Variants in CRAMP1 observed in about 807,000 individuals in gnomAD.
CRAMP1 encodes the protein protein cramped-like.
In CRAMP1, 50 loss-of-function variants were observed where a neutral mutation model predicts 115.4. The ratio of observed to expected loss-of-function variants is 0.43; its 90% CI spans 0.35 to 0.55. The LOEUF (loss-of-function observed/expected upper bound fraction) is 0.55. Ranked by LOEUF, CRAMP1 falls within the 20% of genes least tolerant of loss-of-function variation. CRAMP1 has a pLI of 0.01. For missense variants in CRAMP1, 1,679 were observed against 1,721.7 expected, an observed-to-expected ratio of 0.98 and a Z score of 0.44; for synonymous variants, 866 against 745.4, an observed-to-expected ratio of 1.16 and a Z score of -2.64.
chr16:1,659,630 G>A (rs1270927461), intron 10 of CRAMP1, among the ~76,000 whole-genome samples: 2 of 152,066 alleles, frequency 1.3e-5, no homozygotes, highest in Non-Finnish European at 2.9e-5. Flanking sequence ...CTCATGATCC[G>A]CTCGTCTCGG....
At chr16:1,662,447 T>TGAATGCTGTCACA in intron 11 of CRAMP1, 43 bp from the exon 12 acceptor site, 1 of 1,503,542 alleles carries the variant, frequency 6.7e-7, no homozygotes, top group Non-Finnish European at 9.2e-7. Flanking sequence ...GACCTGTTGC[T>TGAATGCTGTCACA]AGGTGAATGC....
chr16:1,666,637 C>G lies in CRAMP1; in HGVS notation c.3036+37C>G, dbSNP rs2036879038. Reference sequence around the variant, plus strand: ...TAGAAGGGCTTTTCAGCATTACCACCAACTTCTGGTGTGGACGCCAAAGCC... The same window carrying G: ...TAGAAGGGCTTTTCAGCATTACCACGAACTTCTGGTGTGGACGCCAAAGCC... On this transcript the variant is annotated intron_variant, in intron 16 of 20. Transcript: ENST00000397412. This position sits in a 1 kb window ranked among gnomAD's most constrained non-coding sequence, Gnocchi z 5.0. The G allele has an allele frequency of 3.8e-6, 6 of 1,584,708 alleles. No homozygotes were observed. The highest frequency in any genetic ancestry group is 5.2e-6 in the Non-Finnish European group (6 of 1,154,904).
intron 11 of CRAMP1, among the ~76,000 whole-genome samples, chr16:1,661,570 G>A (rs1168022893): frequency 1.3e-5 from 2 of 151,916 alleles, no homozygotes; most frequent in Admixed American, 6.6e-5. Flanking sequence ...CTGTGAGAGG[G>A]GGCCAGTCCC....
At chr16:1,667,817 T>A (rs918904978) in intron 17 of CRAMP1, 145 bp from the exon 18 acceptor site, 2 of 619,264 alleles carry the variant, frequency 3.2e-6, no homozygotes, top group Non-Finnish European at 5.7e-6. Flanking sequence ...CCCGAGTGTG[T>A]TCCTGAGTTG....
At position 1,660,032 on chromosome 16, in the gene CRAMP1, C is replaced by G. The variant is rs1461143801; in HGVS notation, c.2382C>G (p.Thr794=). The G allele has an allele frequency of 6.3e-7, 1 of 1,598,152 alleles. No individual in the cohort carries two copies. The highest frequency in any genetic ancestry group is 8.5e-7 in the Non-Finnish European group (1 of 1,178,424). The change falls in exon 11 of 21, where the codon ACC becomes ACG. Residue 794 remains threonine (T), a synonymous_variant. Transcript: ENST00000397412. ...RNQASLRSSK[T]FPPSSAPCSS... is the part of the protein sequence containing the mutation. ...AGGCCTCCCTCCGCAGCAGCAAGAC[C>G]TTCCCGCCCAGCTCTGCACCCTGCT... is the stretch of plus-strand genomic sequence containing the variant.
chr16:1,659,729 G>A (rs2036808712), intron 10 of CRAMP1, among the ~76,000 whole-genome samples, 157 bp from the exon 11 acceptor site: 1 of 152,204 alleles, frequency 6.6e-6, no homozygotes, highest in African/African-American at 2.4e-5. Context: ...AGCGACTCTG[G>A]GGACACTGAG....
intron 6 of CRAMP1, among the ~76,000 whole-genome samples, chr16:1,645,675 C>T (rs953204058): frequency 6.6e-6 from 1 of 152,156 alleles, no homozygotes; most frequent in Non-Finnish European, 1.5e-5. Context: ...CTGTGCTCTG[C>T]CTGTCACTTC....
Position 1,632,248 on chromosome 16 carries a change from G to A in CRAMP1, c.577G>A (p.Ala193Thr). 1 of 1,577,428 alleles carries A rather than the reference G, an allele frequency of 6.3e-7. No homozygotes were observed. The highest frequency in any genetic ancestry group is 8.6e-7 in the Non-Finnish European group (1 of 1,162,548). The part of the protein sequence containing the change: ...KDFEAIQNNI[A>T]LKYKKKGKPA... ...CTTTGAAGCGATTCAGAACAACATTGCGCTGAAGTACAAGAAGAAAGGCAA... is the reference window on the plus strand; with the variant it reads ...CTTTGAAGCGATTCAGAACAACATTACGCTGAAGTACAAGAAGAAAGGCAA... The change falls in exon 4 of 21, where the codon GCG (alanine) becomes ACG (threonine). Residue 193 changes from alanine (A) to threonine (T), a missense_variant. Physicochemically the swap from Ala to Thr is moderately conservative, Grantham distance 58. This residue lies in a region of CRAMP1 where 44 missense variants were observed against 92.4 expected (regional missense o/e 0.48). Transcript: ENST00000397412.
At chr16:1,633,561 C>T (rs2036563028) in intron 4 of CRAMP1, among the ~76,000 whole-genome samples, 1 of 152,186 alleles carries the variant, frequency 6.6e-6, no homozygotes, top group African/African-American at 2.4e-5. Context: ...CCGTTTTGTC[C>T]TATATTTGAT....
At chr16:1,617,141 T>G (rs1243275584) in intron 2 of CRAMP1, among the ~76,000 whole-genome samples, 1 of 152,220 alleles carries the variant, frequency 6.6e-6, no homozygotes, top group Non-Finnish European at 1.5e-5. Flanking sequence ...AATATATCTT[T>G]AAGCAAATAA....
intron 9 of CRAMP1, 144 bp from the exon 10 acceptor site, chr16:1,655,733 G>T: frequency 1.2e-6 from 1 of 836,906 alleles, no homozygotes; most frequent in Non-Finnish European, 1.9e-6. Flanking sequence ...TTGGGTAGTG[G>T]TGTGAGGAAA....
At chr16:1,644,201 C>T (rs539239371) in intron 6 of CRAMP1, among the ~76,000 whole-genome samples, 4 of 152,162 alleles carry the variant, frequency 2.6e-5, no homozygotes, top group Non-Finnish European at 5.9e-5. Context: ...TCACCTGACT[C>T]TCTGGGCCCC....
At position 1,632,372 on chromosome 16, in the gene CRAMP1, G is replaced by T; in HGVS notation, c.694+7G>T. On this transcript the variant is annotated splice_region_variant and intron_variant, in intron 4 of 20. Coordinates refer to ENST00000397412, the MANE Select transcript of CRAMP1 (RefSeq NM_020825.4). Reference sequence around the variant, plus strand: ...TACATCGACTTTGATCATGGTGAGTGTGCCACGGGCCAGGCTCGGGGGTGC... The same window carrying T: ...TACATCGACTTTGATCATGGTGAGTTTGCCACGGGCCAGGCTCGGGGGTGC... 1.3e-6 allele frequency: 2 copies of T among 1,584,082 alleles called. No homozygotes were observed. Among genetic ancestry groups the T allele is most frequent in the Non-Finnish European group, 1.7e-6 (2 of 1,165,564 alleles).
chr16:1,627,618 T>G (rs961782069), intron 3 of CRAMP1, among the ~76,000 whole-genome samples: 2 of 152,202 alleles, frequency 1.3e-5, no homozygotes, highest in Non-Finnish European at 2.9e-5. Flanking sequence ...GCAGGTTAGG[T>G]TCTGCCCACC....
intron 20 of CRAMP1, 146 bp downstream of exon 20, chr16:1,670,955 G>A: frequency 1.4e-6 from 1 of 723,342 alleles, no homozygotes; most frequent in Non-Finnish European, 2.3e-6. Context: ...TCAGGTCCCT[G>A]ACTACTGAGA....
intron 6 of CRAMP1, among the ~76,000 whole-genome samples, chr16:1,649,092 A>G (rs1262632353): frequency 6.6e-6 from 1 of 152,020 alleles, no homozygotes; most frequent in Non-Finnish European, 1.5e-5. Flanking sequence ...TCAGTACAAC[A>G]TGTTGTTCTC....
rs1223768882 is a variant in CRAMP1 at position 1,671,570 on chromosome 16, C to T, written c.3645+761C>T. Among the ~76,000 whole-genome samples the T allele has an allele frequency of 6.6e-6, 1 of 152,110 alleles. No individual in the cohort carries two copies. The highest frequency in any genetic ancestry group is 1.5e-5 in the Non-Finnish European group (1 of 68,008). On this transcript the variant is annotated intron_variant, in intron 20 of 20. Coordinates refer to ENST00000397412, the MANE Select transcript of CRAMP1 (RefSeq NM_020825.4). This position sits in a 1 kb window ranked among gnomAD's most constrained non-coding sequence, Gnocchi z 5.0. ...AGGTGTGTGGGCAGTCGGGTGAGGG[C>T]TCTATGGACAGGGAGGGAACTCCAG...
intron 20 of CRAMP1, among the ~76,000 whole-genome samples, 198 bp from the exon 21 acceptor site, chr16:1,673,683 C>T (rs57885957): frequency 6.6e-6 from 1 of 152,234 alleles, no homozygotes; most frequent in Non-Finnish European, 1.5e-5. Context: ...CATAGGCTCT[C>T]TGCGAGCACT....
At position 1,674,025 on chromosome 16, in the gene CRAMP1, G is replaced by A. The variant is rs1383850584; in HGVS notation, c.3790G>A (p.Val1264Ile). ...TGATGGTGGTGGAGGCGGCCCCGCT[G>A]TCAGTGACCTGTCCCAGTGACCACA... is the stretch of plus-strand genomic sequence containing the variant. ...LFDGGGGGPA[V>I]SDLSQ Residue 1264 changes from valine to isoleucine, a missense_variant, in exon 21 of 21, where the codon GTC (valine) becomes ATC (isoleucine). Coordinates refer to ENST00000397412, the MANE Select transcript of CRAMP1 (RefSeq NM_020825.4). 6.2e-7 allele frequency: 1 copy of A among 1,611,984 alleles called. No individual in the cohort carries two copies. Among genetic ancestry groups the A allele is most frequent in the African/African-American group, 1.3e-5 (1 of 74,878 alleles).
Sources: allele counts gnomAD v4.1 joint callset (sites outside exome capture counted in the v4.1 genomes callset), GRCh38; gene constraint gnomAD v4.1.1; regional missense constraint gnomAD v4.1.1; non-coding constraint Gnocchi (gnomAD v3.1); transcripts MANE v1.5; gene names NCBI Gene and HGNC (gene_info 2026-07-23, HGNC 2026-07-21).